Variants in MUSK observed in about 807,000 individuals in gnomAD.
MUSK encodes the protein muscle associated receptor tyrosine kinase.
In MUSK, 55 loss-of-function variants were observed where a neutral mutation model predicts 88.7. The observed-to-expected ratio is 0.62, with a 90% confidence interval of 0.50 to 0.78. MUSK has a LOEUF of 0.78. Ranked by LOEUF, MUSK falls within the 30% of genes least tolerant of loss-of-function variation. The pLI is 0.00. For synonymous variants in MUSK, 387 were observed against 391.9 expected (o/e 0.99, Z 0.15); for missense variants, 1,015 against 1,074.3 (o/e 0.94, Z 0.77).
intron 1 of MUSK, among the ~76,000 whole-genome samples, chr9:110,677,446 A>C (rs940042936): frequency 6.6e-6 from 1 of 152,166 alleles, no homozygotes; most frequent in East Asian, 1.9e-4. Flanking sequence ...CTTTTGTGAA[A>C]CGTGTGCTAC....
At chr9:110,701,656 ATTTTATT>A (rs2076503386) in intron 5 of MUSK, among the ~76,000 whole-genome samples, 2 of 21,992 alleles carry the variant, frequency 9.1e-5, no homozygotes, top group Non-Finnish European at 1.7e-4. Flanking sequence ...TCAGCTATTT[ATTTTATT>A]TATTTTATTT....
Position 110,791,094 on chromosome 9 carries a change from T to G in MUSK, c.1927+3256T>G, listed in dbSNP as rs73655635. Among the ~76,000 whole-genome samples, 653 of 148,946 alleles carry G rather than the reference T, an allele frequency of 4.4e-3. 6 individuals carry two copies. The highest frequency in any genetic ancestry group is 0.015 in the African/African-American group (624 of 40,692). ...GGGGTAGGATCAATAGATTAAAAGT[T>G]TCAGGGGGAGGAGCCAAGATGGCCG... On this transcript the variant is annotated intron_variant, in intron 14 of 14. Coordinates refer to ENST00000374448, the MANE Select transcript of MUSK (RefSeq NM_005592.4).
chr9:110,742,317 G>T (rs538119878), intron 6 of MUSK, among the ~76,000 whole-genome samples: 1 of 152,064 alleles, frequency 6.6e-6, no homozygotes, highest in African/African-American at 2.4e-5. Flanking sequence ...TTAGTCAGGC[G>T]TGGTGGCACA....
chr9:110,728,146 T>G (rs187108717), intron 5 of MUSK: 1 of 152,444 alleles, frequency 6.6e-6, no homozygotes, highest in Non-Finnish European at 1.5e-5. Context: ...GCAGCTTCTG[T>G]GTTGGTGCAG....
intron 1 of MUSK, among the ~76,000 whole-genome samples, chr9:110,677,822 G>A (rs1195485154): frequency 6.6e-6 from 1 of 152,078 alleles, no homozygotes; most frequent in Non-Finnish European, 1.5e-5. Flanking sequence ...TTTCAAGTAG[G>A]GAATGGATAG....
chr9:110,715,937 C>T (rs1400855760), intron 5 of MUSK, among the ~76,000 whole-genome samples: 1 of 149,182 alleles, frequency 6.7e-6, no homozygotes, highest in Non-Finnish European at 1.5e-5. Context: ...CACATGGACA[C>T]ATGGGGGGAA....
Position 110,695,444 on chromosome 9 carries a change from G to C in MUSK, c.400G>C (p.Glu134Gln), listed in dbSNP as rs747320067. 1.1e-5 allele frequency: 17 copies of C among 1,540,508 alleles called. No homozygotes were observed. Among genetic ancestry groups the C allele is most frequent in the Non-Finnish European group, 1.2e-5 (14 of 1,133,240 alleles). ...TRPPINVKIIEGLKAVLPCTT... is the reference protein window; with the variant it reads ...TRPPINVKIIQGLKAVLPCTT... ...TCCTCCCATAAATGTGAAAATAATA[G>C]AGGGATTAAAAGCAGTCCTACCATG... is the stretch of plus-strand genomic sequence containing the variant. The change falls in exon 4 of 15, where the codon GAG (glutamate) becomes CAG (glutamine). Residue 134 changes from glutamate to glutamine, a missense_variant. Physicochemically the swap from Glu to Gln is conservative, Grantham distance 29. Coordinates refer to ENST00000374448, the MANE Select transcript of MUSK (RefSeq NM_005592.4).
At chr9:110,690,367 CATAA>C (rs1385137655) in intron 3 of MUSK, among the ~76,000 whole-genome samples, 8 of 47,506 alleles carry the variant, frequency 1.7e-4, no homozygotes, top group African/African-American at 7.8e-4. Context: ...TAAGTATATA[CATAA>C]ATATATATAT....
chr9:110,695,146 TCA>T (rs1407728707), intron 3 of MUSK, among the ~76,000 whole-genome samples: 4 of 152,192 alleles, frequency 2.6e-5, no homozygotes, highest in Non-Finnish European at 5.9e-5. Context: ...TATGGTAACT[TCA>T]CACTGTTAAT....
chr9:110,760,339 A>G (rs111419137), intron 7 of MUSK, among the ~76,000 whole-genome samples: 4,229 of 152,324 alleles, frequency 0.028, 197 homozygotes, highest in African/African-American at 0.097. Context: ...GATTGGACAA[A>G]GGAAATGTGG....
Position 110,674,984 on chromosome 9 carries a change from G to T in MUSK, c.79+6001G>T, listed in dbSNP as rs1276977019. 1.3e-4 allele frequency among the ~76,000 whole-genome samples: 20 copies of T among 151,882 alleles called. 1 individual carries two copies. Among genetic ancestry groups the T allele is most frequent in the Admixed American group, 1.3e-3 (20 of 15,242 alleles). On this transcript the variant is annotated intron_variant, in intron 1 of 14. Transcript: ENST00000374448. Reference sequence around the variant, plus strand: ...ACAAGGAAAACAATCAAACAGCCTGGGTTTCTTTTTCTAAATTATAGAATC... The same window carrying T: ...ACAAGGAAAACAATCAAACAGCCTGTGTTTCTTTTTCTAAATTATAGAATC...
At chr9:110,755,983 T>TATATATATATATAC (rs1564269157) in intron 7 of MUSK, among the ~76,000 whole-genome samples, 39 of 127,034 alleles carry the variant, frequency 3.1e-4, no homozygotes, top group East Asian at 2.4e-3. Flanking sequence ...TATATACATA[T>TATATATATATATAC]ATATATATAT....
chr9:110,710,726 C>T (rs2076657295), intron 5 of MUSK, among the ~76,000 whole-genome samples: 1 of 151,566 alleles, frequency 6.6e-6, no homozygotes, highest in Non-Finnish European at 1.5e-5. Flanking sequence ...TGGAGTCAAC[C>T]TGTTAAAAAA....
At position 110,805,059 on chromosome 9, in the gene MUSK, T is replaced by G. The variant is rs2078145751; in HGVS notation, c.*4071T>G. Among the ~76,000 whole-genome samples, 1 of 151,982 alleles carries G rather than the reference T, an allele frequency of 6.6e-6. No homozygotes were observed. The highest frequency in any genetic ancestry group is 1.5e-5 in the Non-Finnish European group (1 of 67,830). On this transcript the variant is annotated 3_prime_UTR_variant, in exon 15 of 15. Coordinates refer to ENST00000374448, the MANE Select transcript of MUSK (RefSeq NM_005592.4). ...TGATGGTTGAATAGTATTATACAGA[T>G]TTATCGTAATTGACATAACTATTCT...
intron 5 of MUSK, among the ~76,000 whole-genome samples, chr9:110,706,465 T>C (rs1346932805): frequency 6.6e-6 from 1 of 152,110 alleles, no homozygotes; most frequent in Non-Finnish European, 1.5e-5. Flanking sequence ...TTAGGTATGG[T>C]GTGTAGCCAA....
intron 7 of MUSK, among the ~76,000 whole-genome samples, chr9:110,749,557 T>C (rs1469628768): frequency 6.6e-6 from 1 of 152,192 alleles, no homozygotes; most frequent in Non-Finnish European, 1.5e-5. Context: ...ATTTCATTGA[T>C]GAGAAGTCAT....
chr9:110,713,825 C>T (rs4297099), intron 5 of MUSK, among the ~76,000 whole-genome samples: 44,594 of 151,926 alleles, frequency 0.29, 7,242 homozygotes, highest in East Asian at 0.6. Flanking sequence ...GCTCGTTTAA[C>T]GCATGTCAGA....
chr9:110,739,328 C>G (rs2077068869), intron 6 of MUSK, among the ~76,000 whole-genome samples: 1 of 152,114 alleles, frequency 6.6e-6, no homozygotes, highest in Non-Finnish European at 1.5e-5. Flanking sequence ...TTCATTCTCC[C>G]AGCAACAATG....
chr9:110,684,910 G>A (rs1275165147), intron 2 of MUSK, among the ~76,000 whole-genome samples: 1 of 152,042 alleles, frequency 6.6e-6, no homozygotes, highest in Non-Finnish European at 1.5e-5. Context: ...CATATCATTT[G>A]TAAACAAAGA....
Sources: gnomAD v4.1 joint callset for allele counts (sites outside exome capture counted in the v4.1 genomes callset) on GRCh38, gnomAD v4.1.1 for gene constraint, MANE v1.5 for transcripts, NCBI Gene and HGNC (gene_info 2026-07-23, HGNC 2026-07-21) for gene names.